The following RPP40 variants were observed in gnomAD, a reference collection of about 807,000 sequenced individuals.
The protein encoded by RPP40 is ribonuclease P/MRP subunit p40.
Under a neutral mutation model 42.5 loss-of-function variants are expected in RPP40, and 30 were observed. That is an observed-to-expected ratio of 0.71 (90% confidence interval 0.53 to 0.96). The LOEUF (loss-of-function observed/expected upper bound fraction) is 0.96, where lower values mean the gene tolerates loss of function less well. Among genes scored for constraint, RPP40 ranks in the 40% least tolerant of loss-of-function variants. RPP40 has a pLI of 0.00. For missense variants in RPP40, 426 were observed against 433.5 expected (o/e 0.98, Z 0.15); for synonymous variants, 173 against 164.0 (o/e 1.05, Z -0.42).
downstream of RPP40, among the ~76,000 whole-genome samples, chr6:4,994,338 T>A (rs1347623003): frequency 6.6e-6 from 1 of 151,994 alleles, no homozygotes; most frequent in Admixed American, 6.6e-5. Context: ...ATGGCACATG[T>A]ATACATATGT....
chr6:4,996,676 T>C (rs1226258139), intron 5 of RPP40, among the ~76,000 whole-genome samples: 1 of 152,226 alleles, frequency 6.6e-6, no homozygotes, highest in Admixed American at 6.5e-5. Flanking sequence ...CTAGTTTCAC[T>C]GTTTGTGCTA....
downstream of RPP40, among the ~76,000 whole-genome samples, chr6:4,990,029 A>G (rs1247656505): frequency 6.6e-6 from 1 of 152,228 alleles, no homozygotes; most frequent in East Asian, 1.9e-4. Flanking sequence ...AAGGTGGGGA[A>G]TATTGTCTTT....
intron 5 of RPP40, among the ~76,000 whole-genome samples, chr6:4,997,711 C>G (rs188035795): frequency 2.0e-5 from 3 of 152,168 alleles, no homozygotes; most frequent in Non-Finnish European, 2.9e-5. Context: ...CTGACTAATA[C>G]ATTTTGGCTA....
chr6:4,993,929 T>G (rs1008169440), downstream of RPP40, among the ~76,000 whole-genome samples: 13 of 152,066 alleles, frequency 8.5e-5, no homozygotes, highest in Non-Finnish European at 1.9e-4. Flanking sequence ...GGCCCTGAGC[T>G]TTGTGTGCTG....
downstream of RPP40, among the ~76,000 whole-genome samples, chr6:4,991,508 C>G (rs1759261587): frequency 6.6e-6 from 1 of 152,144 alleles, no homozygotes; most frequent in Admixed American, 6.5e-5. Context: ...GATGCAATGT[C>G]CTGTAAATGT....
chr6:5,000,118 G>A (rs1368400171), intron 3 of RPP40, among the ~76,000 whole-genome samples: 1 of 152,022 alleles, frequency 6.6e-6, no homozygotes, highest in African/African-American at 2.4e-5. Flanking sequence ...ATTTATAATA[G>A]TGAAATTTAA....
chr6:5,000,855 A>G (rs2127542622), intron 2 of RPP40, among the ~76,000 whole-genome samples: 1 of 148,632 alleles, frequency 6.7e-6, no homozygotes, highest in Middle Eastern at 3.4e-3. Flanking sequence ...AGCATGCAGA[A>G]GACCAAGCAT....
At chr6:4,998,106 G>C (rs1759436724) in intron 5 of RPP40, among the ~76,000 whole-genome samples, 1 of 152,150 alleles carries the variant, frequency 6.6e-6, no homozygotes, top group Admixed American at 6.5e-5. Context: ...TTCTAAAACA[G>C]ACCACCATGC....
intron 3 of RPP40, 119 bp from the exon 4 acceptor site, chr6:5,000,023 T>C: frequency 3.3e-6 from 2 of 607,588 alleles, no homozygotes. Flanking sequence ...CATACAAGGA[T>C]CTTATTTATA....
chr6:5,001,513 T>G (rs904150424), intron 2 of RPP40, among the ~76,000 whole-genome samples: 1 of 152,134 alleles, frequency 6.6e-6, no homozygotes, highest in African/African-American at 2.4e-5. Context: ...TACAGGTGAG[T>G]TATGTAGTGT....
intron 7 of RPP40, among the ~76,000 whole-genome samples, chr6:4,995,698 TG>T (rs1759355062): frequency 6.6e-6 from 1 of 152,156 alleles, no homozygotes; most frequent in African/African-American, 2.4e-5. Context: ...AACCAATAAA[TG>T]TGAAAAAGGA....
chr6:4,990,759 G>A (rs1009496706), downstream of RPP40, among the ~76,000 whole-genome samples: 3 of 151,682 alleles, frequency 2.0e-5, no homozygotes, highest in Admixed American at 6.6e-5. Flanking sequence ...GGGAATACAG[G>A]TGCGAGCCAC....
chr6:5,000,748 C>T, intron 2 of RPP40, 117 bp from the exon 3 acceptor site: 1 of 689,274 alleles, frequency 1.5e-6, no homozygotes, highest in South Asian at 1.7e-5. Context: ...AGTTTCTACC[C>T]CTGCTCCAGC....
chr6:4,998,549 G>A, intron 5 of RPP40, 167 bp downstream of exon 5: 1 of 460,996 alleles, frequency 2.2e-6, no homozygotes, highest in South Asian at 4.3e-5. Flanking sequence ...CTGAACTATG[G>A]TTTTCAGAGA....
At chr6:4,996,826 TC>T (rs1337690150) in intron 5 of RPP40, among the ~76,000 whole-genome samples, 2 of 152,230 alleles carry the variant, frequency 1.3e-5, no homozygotes, top group Non-Finnish European at 2.9e-5. Context: ...TGATTGAACC[TC>T]ATCCCAGCTT....
At chr6:4,988,535 C>G in the RPP40 span, among the ~76,000 whole-genome samples, 1 of 151,914 alleles carries the variant, frequency 6.6e-6, no homozygotes, top group Non-Finnish European at 1.5e-5. Flanking sequence ...TCCATTTCTA[C>G]AATTTTTTCA....
At chr6:4,998,906 G>T in intron 4 of RPP40, 65 bp from the exon 5 acceptor site, 1 of 1,053,826 alleles carries the variant, frequency 9.5e-7, no homozygotes, top group Non-Finnish European at 1.3e-6. Context: ...CATGGAAAAA[G>T]TGTTACATTT....
rs34031203 is a variant in RPP40 at position 5,003,345 on chromosome 6, T to TCAAAAAAAAA, written c.123+534_123+535insTTTTTTTTTG. On this transcript the variant is annotated intron_variant, in intron 1 of 7. Transcript: ENST00000380051. ...CTGGGCGACAGAGCGAAACTCCGTC[T>TCAAAAAAAAA]AAAAAAAAAAAAAAAAAAAAAAGGA... Among the ~76,000 whole-genome samples, 19 of 76,578 alleles carry TCAAAAAAAAA rather than the reference T, an allele frequency of 2.5e-4. 4 individuals carry two copies. Among genetic ancestry groups the TCAAAAAAAAA allele is most frequent in the African/African-American group, 5.1e-4 (9 of 17,522 alleles). 50.2% of individuals were successfully genotyped at this position (76,578 alleles called of 152,430 possible).
intron 2 of RPP40, chr6:5,001,092 A>G (rs1048141870): frequency 1.5e-5 from 7 of 456,946 alleles, no homozygotes; most frequent in African/African-American, 4.0e-5. Flanking sequence ...ACGGAACGTG[A>G]CCTTTGGGGA....
Sources: gnomAD v4.1 joint callset for allele counts (sites outside exome capture counted in the v4.1 genomes callset) on GRCh38, gnomAD v4.1.1 for gene constraint, MANE v1.5 for transcripts, NCBI Gene and HGNC (gene_info 2026-07-23, HGNC 2026-07-21) for gene names.